The following NALCN variants were observed in gnomAD, a reference collection of about 807,000 sequenced individuals.
NALCN encodes the protein sodium leak channel, non-selective, also known as sodium leak channel NALCN.
In NALCN, 111 loss-of-function variants were observed where a neutral mutation model predicts 225.3. The ratio of observed to expected loss-of-function variants is 0.49; its 90% confidence interval spans 0.42 to 0.58. The LOEUF is 0.58. Ranked by LOEUF, NALCN falls within the 20% of genes least tolerant of loss-of-function variation. The pLI, the probability that NALCN is intolerant of heterozygous loss-of-function variation, is 0.00. For synonymous variants in NALCN, 764 were observed against 769.0 expected, an observed-to-expected ratio of 0.99 and a Z score of 0.11; for missense variants, 1,378 against 2,202.4, an observed-to-expected ratio of 0.63 and a Z score of 7.49.
chr13:101,317,799 T>C (rs1198486626), intron 7 of NALCN, among the ~76,000 whole-genome samples: 1 of 152,222 alleles, frequency 6.6e-6, no homozygotes, highest in Non-Finnish European at 1.5e-5. Flanking sequence ...TGCTTTATTA[T>C]AATGCTTACC....
intron 1 of NALCN, among the ~76,000 whole-genome samples, chr13:101,407,064 T>C (rs1375706928): frequency 3.3e-5 from 5 of 152,204 alleles, no homozygotes; most frequent in Non-Finnish European, 7.3e-5. Context: ...AATTAAAAGG[T>C]ATGTATTGAG....
intron 35 of NALCN, 46 bp from the exon 36 acceptor site, chr13:101,074,708 G>GAGAGAC (rs766722285): frequency 5.9e-6 from 9 of 1,522,620 alleles, no homozygotes; most frequent in East Asian, 4.6e-5. Flanking sequence ...GAGAGAGAGA[G>GAGAGAC]AGAGACAGAG....
At chr13:101,107,813 G>A (rs1275683616) in intron 20 of NALCN, 24 bp from the exon 21 acceptor site, 25 of 1,588,896 alleles carry the variant, frequency 1.6e-5, no homozygotes, top group Non-Finnish European at 2.1e-5. Flanking sequence ...AACAGGGGGT[G>A]TGTTAAAACA....
chr13:101,246,623 C>T (rs2041906401), intron 11 of NALCN, among the ~76,000 whole-genome samples: 1 of 152,112 alleles, frequency 6.6e-6, no homozygotes, highest in South Asian at 2.1e-4. Context: ...AGATAATGTC[C>T]AGATCTTTTA....
At chr13:101,207,867 G>GCTT (rs2040374822) in intron 13 of NALCN, among the ~76,000 whole-genome samples, 2 of 152,206 alleles carry the variant, frequency 1.3e-5, no homozygotes, top group Non-Finnish European at 2.9e-5. Flanking sequence ...TCTTGCTGCT[G>GCTT]CTCACTCTTT....
intron 9 of NALCN, among the ~76,000 whole-genome samples, chr13:101,285,200 T>C (rs1175606850): frequency 6.6e-6 from 1 of 152,208 alleles, no homozygotes; most frequent in African/African-American, 2.4e-5. Context: ...GTAGTAGTGG[T>C]GGTAGATCCT....
At chr13:101,394,286 A>T (rs2047223041) in intron 3 of NALCN, among the ~76,000 whole-genome samples, 1 of 152,220 alleles carries the variant, frequency 6.6e-6, no homozygotes, top group South Asian at 2.1e-4. Flanking sequence ...TATGTATAAA[A>T]GGGAAGCAAT....
chr13:101,415,220 TATATAC>T (rs1206261389), intron 1 of NALCN, among the ~76,000 whole-genome samples: 13 of 79,112 alleles, frequency 1.6e-4, no homozygotes, highest in African/African-American at 9.8e-4. Flanking sequence ...TATATATATA[TATATAC>T]ATACATATAT....
chr13:101,276,286 T>C lies in NALCN; in HGVS notation c.1134+7647A>G, dbSNP rs1024388912. Among the ~76,000 whole-genome samples the C allele has an allele frequency of 4.7e-4, 72 of 152,216 alleles. 1 individual carries two copies. The highest frequency in any genetic ancestry group is 3.4e-3 in the Middle Eastern group (1 of 294). On this transcript the variant is annotated intron_variant, in intron 10 of 43. Transcript: ENST00000251127. ...CACACATTTACCATGCTCAGTATCT[T>C]ATTAAACTCAGCCTTATTAAGCATG... is the stretch of plus-strand genomic sequence containing the variant.
intron 18 of NALCN, among the ~76,000 whole-genome samples, chr13:101,122,415 GTAAAATA>G (rs2036023378): frequency 6.6e-6 from 1 of 152,138 alleles, no homozygotes; most frequent in Non-Finnish European, 1.5e-5. Flanking sequence ...CTGGGCTGCA[GTAAAATA>G]TTATTTATTG....
intron 10 of NALCN, among the ~76,000 whole-genome samples, chr13:101,265,724 G>C (rs2042574796): frequency 6.6e-6 from 1 of 152,086 alleles, no homozygotes; most frequent in Non-Finnish European, 1.5e-5. Context: ...TTTACATATG[G>C]AGAAACAGGC....
chr13:101,309,241 C>A (rs569092707), intron 7 of NALCN, among the ~76,000 whole-genome samples: 1 of 152,234 alleles, frequency 6.6e-6, no homozygotes, highest in South Asian at 2.1e-4. Context: ...CACACACACA[C>A]AATTCAACAT....
intron 13 of NALCN, among the ~76,000 whole-genome samples, chr13:101,226,968 A>G (rs2041167616): frequency 6.6e-6 from 1 of 151,988 alleles, no homozygotes; most frequent in Non-Finnish European, 1.5e-5. Flanking sequence ...TTTGTTCAGG[A>G]CTGCTTAGCA....
chr13:101,286,430 T>A (rs2043341121), intron 9 of NALCN, among the ~76,000 whole-genome samples: 3 of 152,050 alleles, frequency 2.0e-5, no homozygotes, highest in Admixed American at 2.0e-4. Flanking sequence ...GGGATATGGA[T>A]GTGAGGGTTA....
intron 17 of NALCN, among the ~76,000 whole-genome samples, chr13:101,131,875 TAGA>T (rs2036536917): frequency 6.6e-6 from 1 of 152,176 alleles, no homozygotes; most frequent in Non-Finnish European, 1.5e-5. Context: ...GTCATCTTTA[TAGA>T]AGAAGGCTCC....
intron 7 of NALCN, among the ~76,000 whole-genome samples, chr13:101,309,265 C>T (rs983541714): frequency 1.4e-4 from 21 of 152,256 alleles, no homozygotes; most frequent in African/African-American, 5.1e-4. Context: ...TAAACTCAGA[C>T]ATACCAAAGA....
At chr13:101,087,975 G>T (rs1476303126) in intron 30 of NALCN, among the ~76,000 whole-genome samples, 1 of 152,048 alleles carries the variant, frequency 6.6e-6, no homozygotes, top group East Asian at 1.9e-4. Context: ...CTCAGTGTCT[G>T]CTGCATTACA....
At chr13:101,341,004 T>C (rs2045542028) in intron 7 of NALCN, among the ~76,000 whole-genome samples, 1 of 152,188 alleles carries the variant, frequency 6.6e-6, no homozygotes, top group African/African-American at 2.4e-5. Context: ...ATCTCTATTA[T>C]ACATTTCATA....
At chr13:101,311,673 C>A (rs1351045941) in intron 7 of NALCN, among the ~76,000 whole-genome samples, 2 of 152,006 alleles carry the variant, frequency 1.3e-5, no homozygotes, top group South Asian at 4.1e-4. Context: ...TATTGATTTG[C>A]GTATGTTGAA....
Sources: allele counts gnomAD v4.1 joint callset (sites outside exome capture counted in the v4.1 genomes callset), GRCh38; gene constraint gnomAD v4.1.1; transcripts MANE v1.5; gene names NCBI Gene and HGNC (gene_info 2026-07-23, HGNC 2026-07-21).